The following FRMPD1 variants were observed in gnomAD, a reference collection of about 807,000 sequenced individuals.
FRMPD1 encodes FERM and PDZ domain-containing protein 1.
A neutral mutation model predicts 117.8 loss-of-function variants in FRMPD1; 76 were observed. The observed-to-expected ratio is 0.65, with a 90% CI of 0.54 to 0.78. The LOEUF is 0.78. Among genes scored for constraint, FRMPD1 ranks in the 30% least tolerant of loss-of-function variants. The pLI, the probability that FRMPD1 is intolerant of heterozygous loss-of-function variation, is 0.00. For missense variants in FRMPD1, 1,786 were observed against 1,964.5 expected, an observed-to-expected ratio of 0.91 and a Z score of 1.72; for synonymous variants, 783 against 770.4, an observed-to-expected ratio of 1.02 and a Z score of -0.27.
rs763654963 is a variant in FRMPD1 at position 37,746,128 on chromosome 9, C to G, written c.4096C>G (p.Leu1366Val). The change falls in exon 16 of 16, where the codon CTC becomes GTC. Residue 1366 changes from leucine (L) to valine (V), a missense_variant. Physicochemically the swap from Leu to Val is conservative, Grantham distance 32. Coordinates refer to ENST00000377765, the MANE Select transcript of FRMPD1 (RefSeq NM_014907.3). The stretch of plus-strand genomic sequence containing the variant: ...CTTGGAAGCACACCCCATGGCCCCC[C>G]TCACCTCACCGCCCTCTGCGGGAAG... ...RDLEAHPMAP[L>V]TSPPSAGSPV... 3 of 1,614,130 alleles carry G rather than the reference C, an allele frequency of 1.9e-6. No homozygotes were observed. Among genetic ancestry groups the G allele is most frequent in the Admixed American group, 1.7e-5 (1 of 60,026 alleles).
intron 1 of FRMPD1, among the ~76,000 whole-genome samples, chr9:37,659,075 A>G (rs56205600): frequency 0.052 from 7,840 of 152,214 alleles, 228 homozygotes; most frequent in Non-Finnish European, 0.059. Flanking sequence ...TATGTTGCTC[A>G]GACTGATCTC....
the FRMPD1 span, among the ~76,000 whole-genome samples, chr9:37,631,216 T>G: frequency 6.6e-6 from 1 of 151,942 alleles, no homozygotes; most frequent in Admixed American, 6.6e-5. Context: ...GCAAGAAAAT[T>G]AAAAACAAAA....
intron 1 of FRMPD1, among the ~76,000 whole-genome samples, chr9:37,683,792 A>G (rs2117951044): frequency 1.3e-5 from 2 of 150,368 alleles, no homozygotes; most frequent in South Asian, 4.2e-4. Context: ...GCCAGATCAC[A>G]AAAGGCTTTG....
In FRMPD1 at chr9:37,746,850, C is replaced by A. The variant is rs1824755583; in HGVS notation, c.*81C>A. 2.2e-6 allele frequency: 2 copies of A among 894,074 alleles called. No individual in the cohort carries two copies. Among genetic ancestry groups the A allele is most frequent in the Non-Finnish European group, 1.8e-6 (1 of 560,066 alleles). The allele number at this position is 894,074 out of a possible 1,614,324, so 55.4% of individuals were successfully genotyped here. On this transcript the variant is annotated 3_prime_UTR_variant, in exon 16 of 16. Transcript: ENST00000377765. ...GAAGCCCCTTCCACTCTCCCACCCA[C>A]CCTCTTCAAATGTTTACTATATAGA...
intron 10 of FRMPD1, among the ~76,000 whole-genome samples, chr9:37,732,781 A>G (rs1823948812): frequency 6.6e-6 from 1 of 152,214 alleles, no homozygotes. Flanking sequence ...TCCCGTGGAT[A>G]TGAACCAGTT....
intron 5 of FRMPD1, 33 bp from the exon 6 acceptor site, chr9:37,719,036 T>C (rs771233733): frequency 7.8e-7 from 1 of 1,287,502 alleles, no homozygotes; most frequent in Non-Finnish European, 1.1e-6. Context: ...ATGAAAGCAC[T>C]GTTCCAAAAT....
the FRMPD1 span, among the ~76,000 whole-genome samples, chr9:37,641,027 G>T: frequency 6.6e-6 from 1 of 152,166 alleles, no homozygotes; most frequent in Non-Finnish European, 1.5e-5. Context: ...AACTGGGACT[G>T]CAGGCATGCA....
intron 1 of FRMPD1, among the ~76,000 whole-genome samples, chr9:37,668,953 G>T (rs1217691034): frequency 2.0e-5 from 3 of 152,124 alleles, no homozygotes; most frequent in Admixed American, 1.3e-4. Context: ...AAAATTGGGG[G>T]ATCATAGGAT....
At chr9:37,623,939 A>T in the FRMPD1 span, among the ~76,000 whole-genome samples, 1 of 152,188 alleles carries the variant, frequency 6.6e-6, no homozygotes, top group Non-Finnish European at 1.5e-5. Context: ...TCGGGGTATT[A>T]GATTTATTTT....
the FRMPD1 span, among the ~76,000 whole-genome samples, chr9:37,615,703 C>G: frequency 6.6e-6 from 1 of 152,136 alleles, no homozygotes; most frequent in Non-Finnish European, 1.5e-5. Context: ...TGGCTTAGAG[C>G]AATCTTATTT....
At chr9:37,617,977 T>C in the FRMPD1 span, among the ~76,000 whole-genome samples, 1 of 152,152 alleles carries the variant, frequency 6.6e-6, no homozygotes, top group African/African-American at 2.4e-5. Context: ...CAGCTAGTGA[T>C]GTTCGGATGA....
the FRMPD1 span, among the ~76,000 whole-genome samples, chr9:37,616,691 G>T: frequency 6.6e-6 from 1 of 152,194 alleles, no homozygotes; most frequent in African/African-American, 2.4e-5. Context: ...ATGAAACCAT[G>T]ATTGAAAAAT....
chr9:37,732,972 G>C (rs1054736136), intron 10 of FRMPD1, among the ~76,000 whole-genome samples: 2 of 152,162 alleles, frequency 1.3e-5, no homozygotes, highest in Non-Finnish European at 2.9e-5. Flanking sequence ...TAAAAATACA[G>C]CATATCCTTG....
rs138224324 is a variant in FRMPD1, at chr9:37,693,913, T to A, written c.101+1171T>A. 4.2e-4 allele frequency among the ~76,000 whole-genome samples: 64 copies of A among 152,144 alleles called. 1 individual carries two copies. The East Asian group carries it at 0.012, about 28-fold the overall frequency. ...CCATGAAGCCTTCCTCTGTCTAGAGTCAGGATGAATTTCTCCATAGGACCC... is the reference window on the plus strand; with the variant it reads ...CCATGAAGCCTTCCTCTGTCTAGAGACAGGATGAATTTCTCCATAGGACCC... On this transcript the variant is annotated intron_variant, in intron 2 of 15. Transcript: ENST00000377765.
the FRMPD1 span, among the ~76,000 whole-genome samples, chr9:37,611,062 T>G: frequency 1.3e-5 from 2 of 152,234 alleles, no homozygotes; most frequent in Non-Finnish European, 2.9e-5. Context: ...ATTTCACCCA[T>G]GTAAAAATAC....
At chr9:37,636,441 T>C in the FRMPD1 span, among the ~76,000 whole-genome samples, 1 of 152,114 alleles carries the variant, frequency 6.6e-6, no homozygotes, top group Non-Finnish European at 1.5e-5. Flanking sequence ...GAAAGTCACC[T>C]AGAGGCAGCA....
intron 1 of FRMPD1, chr9:37,668,209 T>G (rs745622000): frequency 3.3e-5 from 5 of 152,240 alleles, no homozygotes; most frequent in Non-Finnish European, 5.9e-5. Context: ...AGGATGAGAA[T>G]GCCATCTGCA....
the FRMPD1 span, among the ~76,000 whole-genome samples, chr9:37,634,914 T>C: frequency 6.6e-6 from 1 of 152,120 alleles, no homozygotes; most frequent in Non-Finnish European, 1.5e-5. Context: ...TGGTGTGTGT[T>C]GTTCCCCTCT....
In FRMPD1 at chr9:37,745,700, C is replaced by T; in HGVS notation, c.3668C>T (p.Pro1223Leu). The T allele has an allele frequency of 6.2e-7, 1 of 1,614,094 alleles. No homozygotes were observed. Among genetic ancestry groups the T allele is most frequent in the Non-Finnish European group, 8.5e-7 (1 of 1,179,950 alleles). The change falls in exon 16 of 16, where the codon CCA becomes CTA. Residue 1223 changes from proline to leucine, a missense_variant. By Grantham distance (98) the Pro-to-Leu change is moderately conservative. Coordinates refer to ENST00000377765, the MANE Select transcript of FRMPD1 (RefSeq NM_014907.3). ...GKQTVSPAVP[P>L]EGIKAEAPNH... is the part of the protein sequence containing the mutation. ...CAGACAGTTTCACCAGCCGTCCCTC[C>T]AGAGGGGATCAAGGCAGAGGCACCT...
Sources: gnomAD v4.1 joint callset for allele counts (sites outside exome capture counted in the v4.1 genomes callset) on GRCh38, gnomAD v4.1.1 for gene constraint, MANE v1.5 for transcripts, NCBI Gene and HGNC (gene_info 2026-07-23, HGNC 2026-07-21) for gene names.